The following STAU2 variants were observed in gnomAD, a reference collection of about 807,000 sequenced individuals.
STAU2 encodes staufen double-stranded RNA binding protein 2, also known as double-stranded RNA-binding protein Staufen homolog 2.
In STAU2, 20 loss-of-function variants were observed where a neutral mutation model predicts 65.9. The observed-to-expected ratio is 0.30, with a 90% confidence interval of 0.21 to 0.44. The LOEUF is 0.44. Among genes scored for constraint, STAU2 ranks in the 20% least tolerant of loss-of-function variants. The pLI, the probability that STAU2 is intolerant of heterozygous loss-of-function variation, is 1.00. For missense variants in STAU2, 558 were observed against 683.9 expected (o/e 0.82, Z 2.05); for synonymous variants, 232 against 233.9 (o/e 0.99, Z 0.07).
intron 6 of STAU2, chr8:73,670,316 T>G (rs976737981): frequency 1.8e-4 from 27 of 151,810 alleles, no homozygotes; most frequent in African/African-American, 6.5e-4. Flanking sequence ...CAAGAAAAGC[T>G]GAGGGTTTAG....
At chr8:73,692,752 C>T (rs1413705362) in intron 4 of STAU2, among the ~76,000 whole-genome samples, 1 of 152,138 alleles carries the variant, frequency 6.6e-6, no homozygotes, top group Non-Finnish European at 1.5e-5. Flanking sequence ...TCTGCACTAA[C>T]CGTGGGCAGT....
rs73326736 is a variant in STAU2 at position 73,515,160 on chromosome 8, A to G, written c.1530+36852T>C. 9.2e-3 allele frequency among the ~76,000 whole-genome samples: 1,397 copies of G among 152,312 alleles called. 10 individuals carry two copies. The highest frequency in any genetic ancestry group is 0.025 in the African/African-American group (1,058 of 41,560). ...ATGAAAACTGAAAATAAAATTAGAA[A>G]AGAAAACAGAGTCCTGAAAACTGCT... is the stretch of plus-strand genomic sequence containing the variant. On this transcript the variant is annotated intron_variant, in intron 13 of 14. Coordinates refer to ENST00000524300, the MANE Select transcript of STAU2 (RefSeq NM_001164380.2).
chr8:73,586,003 C>G (rs1275540324), intron 11 of STAU2, among the ~76,000 whole-genome samples: 1 of 152,206 alleles, frequency 6.6e-6, no homozygotes, highest in Non-Finnish European at 1.5e-5. Context: ...TTTTAAGTTT[C>G]CTGAGGCCTC....
chr8:73,491,488 T>A (rs576346469), intron 13 of STAU2, among the ~76,000 whole-genome samples: 2 of 152,068 alleles, frequency 1.3e-5, no homozygotes, highest in East Asian at 3.9e-4. Context: ...CACAAAAAAA[T>A]CATCCTAGAC....
chr8:73,603,897 T>C (rs528285924), intron 9 of STAU2, 34 bp from the exon 10 acceptor site: 7 of 1,574,816 alleles, frequency 4.4e-6, no homozygotes, highest in Admixed American at 3.8e-5. Flanking sequence ...TTTTAAAATA[T>C]GCTTGTGAAA....
intron 6 of STAU2, among the ~76,000 whole-genome samples, chr8:73,643,056 A>T (rs1294058222): frequency 2.0e-5 from 3 of 152,096 alleles, no homozygotes; most frequent in Admixed American, 6.5e-5. Flanking sequence ...CATATTTGAC[A>T]ACTCCTCTTG....
At chr8:73,689,550 A>ATC (rs1255487131) in intron 4 of STAU2, among the ~76,000 whole-genome samples, 1 of 152,130 alleles carries the variant, frequency 6.6e-6, no homozygotes, top group African/African-American at 2.4e-5. Context: ...GTGCATCCTC[A>ATC]TCTCACACAC....
rs377127704 is a variant in STAU2, at chr8:73,542,478, T to C, written c.1530+9534A>G. ...AGGCATAAACCTTAAGGGGGAAAAC[T>C]GAAAATTTTACTTCATTGAAATGGA... On this transcript the variant is annotated intron_variant, in intron 13 of 14. Transcript: ENST00000524300. 6.2e-4 allele frequency among the ~76,000 whole-genome samples: 94 copies of C among 152,234 alleles called. No homozygotes were observed. In the South Asian group the frequency reaches 0.018, roughly 30 times the overall value.
intron 13 of STAU2, among the ~76,000 whole-genome samples, chr8:73,468,633 A>C (rs1218251882): frequency 6.6e-6 from 1 of 152,242 alleles, no homozygotes; most frequent in Non-Finnish European, 1.5e-5. Context: ...CCCCATCAAA[A>C]AGTGGGCGAA....
At chr8:73,566,709 C>T (rs1026450539) in intron 12 of STAU2, among the ~76,000 whole-genome samples, 1 of 152,158 alleles carries the variant, frequency 6.6e-6, no homozygotes, top group African/African-American at 2.4e-5. Flanking sequence ...GTTATAAAAT[C>T]AACTGAGCCT....
intron 12 of STAU2, among the ~76,000 whole-genome samples, chr8:73,577,716 C>G (rs868718157): frequency 2.8e-4 from 42 of 152,100 alleles, no homozygotes; most frequent in African/African-American, 9.9e-4. Flanking sequence ...ATGTGACAGT[C>G]TGTTTCCCCA....
intron 9 of STAU2, among the ~76,000 whole-genome samples, chr8:73,609,147 T>C (rs1185823623): frequency 6.6e-6 from 1 of 151,988 alleles, no homozygotes; most frequent in Non-Finnish European, 1.5e-5. Flanking sequence ...GGATGTCTAA[T>C]AGGTAGTGCA....
At chr8:73,620,958 A>G (rs1813185556) in intron 6 of STAU2, among the ~76,000 whole-genome samples, 1 of 152,200 alleles carries the variant, frequency 6.6e-6, no homozygotes, top group African/African-American at 2.4e-5. Context: ...TTTTTGTGTG[A>G]TAGGTCTGGT....
chr8:73,588,535 G>C (rs1810540713), intron 11 of STAU2, among the ~76,000 whole-genome samples: 1 of 152,082 alleles, frequency 6.6e-6, no homozygotes, highest in Non-Finnish European at 1.5e-5. Context: ...ACAGAACCTT[G>C]CCACTTCTCT....
intron 13 of STAU2, among the ~76,000 whole-genome samples, chr8:73,513,197 T>C (rs1221916541): frequency 2.0e-5 from 3 of 152,240 alleles, no homozygotes; most frequent in Non-Finnish European, 4.4e-5. Flanking sequence ...TCTTTTTTTG[T>C]TTATTAAGTT....
At chr8:73,736,713 G>A (rs180949599) in intron 3 of STAU2, among the ~76,000 whole-genome samples, 2 of 152,270 alleles carry the variant, frequency 1.3e-5, no homozygotes, top group African/African-American at 4.8e-5. Context: ...GATCAAGGTG[G>A]TAAATGCTAC....
Position 73,603,710 on chromosome 8 carries a change from A to G in STAU2, c.1029+16T>C. 1 of 1,605,956 alleles carries G rather than the reference A, an allele frequency of 6.2e-7. No homozygotes were observed. Among genetic ancestry groups the G allele is most frequent in the Non-Finnish European group, 8.5e-7 (1 of 1,178,264 alleles). On this transcript the variant is annotated intron_variant, in intron 10 of 14. Coordinates refer to ENST00000524300, the MANE Select transcript of STAU2 (RefSeq NM_001164380.2). ...ATTTCTAAATCTTTTCAATAGTTTTAAAAGGTTAGAAATACCTGCATCACA... is the reference window on the plus strand; with the variant it reads ...ATTTCTAAATCTTTTCAATAGTTTTGAAAGGTTAGAAATACCTGCATCACA...
At chr8:73,688,039 A>C (rs1233132746) in intron 5 of STAU2, among the ~76,000 whole-genome samples, 1 of 151,782 alleles carries the variant, frequency 6.6e-6, no homozygotes, top group Non-Finnish European at 1.5e-5. Context: ...AAAAAAAAAA[A>C]ACTCAGTCAA....
intron 12 of STAU2, among the ~76,000 whole-genome samples, chr8:73,554,619 C>T (rs1807584516): frequency 6.6e-6 from 1 of 152,158 alleles, no homozygotes; most frequent in Non-Finnish European, 1.5e-5. Context: ...TTCATGCTCA[C>T]CCGGCATACA....
Sources: gnomAD v4.1 joint callset for allele counts (sites outside exome capture counted in the v4.1 genomes callset) on GRCh38, gnomAD v4.1.1 for gene constraint, MANE v1.5 for transcripts, NCBI Gene and HGNC (gene_info 2026-07-23, HGNC 2026-07-21) for gene names.